Variants in AFF3 observed in about 807,000 individuals in gnomAD.
AFF3 encodes ALF transcription elongation factor 3.
A neutral mutation model predicts 129.7 loss-of-function variants in AFF3; 32 were observed. That is an observed-to-expected ratio of 0.25 (90% confidence interval 0.19 to 0.33). The LOEUF is 0.33. Ranked by LOEUF, AFF3 falls within the 10% of genes least tolerant of loss-of-function variation. The pLI is 1.00. For synonymous variants in AFF3, 644 were observed against 635.4 expected (o/e 1.01, Z -0.20); for missense variants, 1,373 against 1,592.0 (o/e 0.86, Z 2.34).
chr2:99,564,447 C>G (rs1287524565), intron 20 of AFF3, among the ~76,000 whole-genome samples: 1 of 152,114 alleles, frequency 6.6e-6, no homozygotes, highest in Non-Finnish European at 1.5e-5. Flanking sequence ...TATAAAAAGA[C>G]AGTATAAAGG....
chr2:99,653,172 C>T (rs538698545), intron 12 of AFF3, among the ~76,000 whole-genome samples: 1 of 152,292 alleles, frequency 6.6e-6, no homozygotes, highest in Non-Finnish European at 1.5e-5. Flanking sequence ...TAATTTAACT[C>T]CCTACTCCTG....
intron 7 of AFF3, among the ~76,000 whole-genome samples, chr2:99,936,087 G>A (rs1674500894): frequency 6.6e-6 from 1 of 152,192 alleles, no homozygotes; most frequent in Non-Finnish European, 1.5e-5. Context: ...AAAATCAGAA[G>A]AGGAAGATCA....
rs770126629 is a variant in AFF3 at position 99,568,902 on chromosome 2, C to G, written c.2932G>C (p.Asp978His). 3 of 1,614,044 alleles carry G rather than the reference C, an allele frequency of 1.9e-6. No homozygotes were observed. The highest frequency in any genetic ancestry group is 2.5e-6 in the Non-Finnish European group (3 of 1,179,952). The change falls in exon 19 of 25, where the codon GAT becomes CAT. Residue 978 changes from aspartate (D) to histidine (H), a missense_variant. Transcript: ENST00000672756. ...LVFDDMPRSADYFMQEAKRMK... is the reference protein window; with the variant it reads ...LVFDDMPRSAHYFMQEAKRMK... ...CGTTTAGCTTCTTGCATAAAATAAT[C>G]GGCACTGCGAGGCCTACAAGGAGAG... is the stretch of plus-strand genomic sequence containing the variant.
intron 11 of AFF3, among the ~76,000 whole-genome samples, chr2:99,690,320 A>G (rs943825120): frequency 6.6e-6 from 1 of 150,516 alleles, no homozygotes; most frequent in Admixed American, 6.6e-5. Context: ...AGCTGGGACT[A>G]CAGGCACCCG....
chr2:99,812,580 A>C (rs1387315963), intron 8 of AFF3, among the ~76,000 whole-genome samples: 1 of 152,234 alleles, frequency 6.6e-6, no homozygotes, highest in Non-Finnish European at 1.5e-5. Context: ...AGGAAACTAC[A>C]TAAATGTAAA....
intron 4 of AFF3, among the ~76,000 whole-genome samples, chr2:100,050,484 C>T (rs941470323): frequency 1.3e-5 from 2 of 151,952 alleles, no homozygotes; most frequent in African/African-American, 4.8e-5. Context: ...AGAATCCATG[C>T]CACAGAGCAG....
At chr2:99,675,254 A>T (rs1465790817) in intron 11 of AFF3, among the ~76,000 whole-genome samples, 1 of 152,230 alleles carries the variant, frequency 6.6e-6, no homozygotes, top group African/African-American at 2.4e-5. Context: ...AGAAGTTCAA[A>T]TCTAACTAAA....
At chr2:99,555,206 C>A (rs1190936008) in intron 22 of AFF3, among the ~76,000 whole-genome samples, 1 of 152,158 alleles carries the variant, frequency 6.6e-6, no homozygotes, top group Non-Finnish European at 1.5e-5. Flanking sequence ...AATCTTGAAG[C>A]AGCCTTACTT....
intron 15 of AFF3, among the ~76,000 whole-genome samples, chr2:99,590,602 G>C (rs1678571597): frequency 6.6e-6 from 1 of 152,158 alleles, no homozygotes; most frequent in South Asian, 2.1e-4. Context: ...CATTATATGT[G>C]AGCACTCTCA....
chr2:99,741,007 G>A (rs1007453873), intron 10 of AFF3, among the ~76,000 whole-genome samples: 1 of 152,152 alleles, frequency 6.6e-6, no homozygotes, highest in African/African-American at 2.4e-5. Flanking sequence ...TCCAGTTTCA[G>A]CTTTCTACAT....
At chr2:99,610,105 CTG>C (rs890618786) in intron 13 of AFF3, among the ~76,000 whole-genome samples, 1 of 152,204 alleles carries the variant, frequency 6.6e-6, no homozygotes, top group African/African-American at 2.4e-5. Flanking sequence ...CCACCTTTAA[CTG>C]TAACTTTCCA....
intron 13 of AFF3, among the ~76,000 whole-genome samples, chr2:99,625,229 G>A (rs1682430332): frequency 6.6e-6 from 1 of 152,080 alleles, no homozygotes; most frequent in African/African-American, 2.4e-5. Context: ...TTTTCTTAAC[G>A]GTCTTTCAAT....
chr2:99,687,020 C>T (rs1328176354), intron 11 of AFF3, among the ~76,000 whole-genome samples: 1 of 152,242 alleles, frequency 6.6e-6, no homozygotes, highest in East Asian at 1.9e-4. Flanking sequence ...TGGTTCCTCC[C>T]TTAGGGAGCT....
At chr2:100,001,095 G>A (rs1202019366) in intron 7 of AFF3, among the ~76,000 whole-genome samples, 1 of 152,198 alleles carries the variant, frequency 6.6e-6, no homozygotes, top group Non-Finnish European at 1.5e-5. Flanking sequence ...AAGCAGCCCT[G>A]TAATCTGTTC....
At chr2:99,766,415 G>A (rs958656660) in intron 8 of AFF3, among the ~76,000 whole-genome samples, 6 of 152,172 alleles carry the variant, frequency 3.9e-5, no homozygotes, top group African/African-American at 1.4e-4. Flanking sequence ...GATGTCTCTG[G>A]GTCTTAAGGA....
At chr2:99,631,239 G>A (rs1220836782) in intron 13 of AFF3, among the ~76,000 whole-genome samples, 1 of 152,198 alleles carries the variant, frequency 6.6e-6, no homozygotes, top group Non-Finnish European at 1.5e-5. Flanking sequence ...TCTCTCCACA[G>A]GTGGCCTGAT....
At chr2:99,794,761 T>C (rs940094552) in intron 8 of AFF3, among the ~76,000 whole-genome samples, 1 of 152,168 alleles carries the variant, frequency 6.6e-6, no homozygotes, top group African/African-American at 2.4e-5. Context: ...TTCACTACAG[T>C]CTAGAAAGCA....
At chr2:100,099,811 A>G (rs1690582808) in intron 4 of AFF3, among the ~76,000 whole-genome samples, 1 of 152,236 alleles carries the variant, frequency 6.6e-6, no homozygotes, top group African/African-American at 2.4e-5. Context: ...GAAAAAAGAG[A>G]AAGAAAGAGG....
At chr2:99,620,313 G>A (rs1033745187) in intron 13 of AFF3, among the ~76,000 whole-genome samples, 1 of 152,068 alleles carries the variant, frequency 6.6e-6, no homozygotes, top group African/African-American at 2.4e-5. Flanking sequence ...AATACCCTTC[G>A]ATAAATGTAT....
Sources: allele counts gnomAD v4.1 joint callset (sites outside exome capture counted in the v4.1 genomes callset), GRCh38; gene constraint gnomAD v4.1.1; transcripts MANE v1.5; gene names NCBI Gene and HGNC (gene_info 2026-07-23, HGNC 2026-07-21).